ADGRF5: variants seen among roughly 807,000 people sequenced by gnomAD.
ADGRF5 encodes G-protein coupled receptor 116.
Under a neutral mutation model 132.3 loss-of-function variants are expected in ADGRF5, and 75 were observed. The ratio of observed to expected loss-of-function variants is 0.57; its 90% CI spans 0.47 to 0.69. The LOEUF is 0.69. Among genes scored for constraint, ADGRF5 ranks in the 30% least tolerant of loss-of-function variants. The probability of loss-of-function intolerance (pLI) is 0.00; values close to 1 mark genes in which losing one functional copy is unlikely to be tolerated. For missense variants in ADGRF5, 1,516 were observed against 1,630.6 expected, an observed-to-expected ratio of 0.93 and a Z score of 1.21; for synonymous variants, 629 against 597.6, an observed-to-expected ratio of 1.05 and a Z score of -0.77.
chr6:46,882,510 GCC>G (rs1772592768), intron 6 of ADGRF5, among the ~76,000 whole-genome samples: 1 of 152,192 alleles, frequency 6.6e-6, no homozygotes, highest in Non-Finnish European at 1.5e-5. Context: ...GATGTGTTGT[GCC>G]CCTTCATTGG....
intron 20 of ADGRF5, chr6:46,854,764 G>C (rs1242458076): frequency 1.6e-6 from 2 of 1,286,994 alleles, no homozygotes; most frequent in Admixed American, 2.3e-5. Context: ...TCATGGCCTG[G>C]GGGGATCTTA....
In ADGRF5 at chr6:46,852,739, C is replaced by G. The variant is rs566574349; in HGVS notation, c.*1253G>C. The G allele has an allele frequency of 2.0e-5, 3 of 151,178 alleles. No homozygotes were observed. Among genetic ancestry groups the G allele is most frequent in the Admixed American group, 2.0e-4 (3 of 15,266 alleles). The allele number at this position is 151,178 out of a possible 1,614,324, so 9.4% of individuals were successfully genotyped here. ...AAGTGTCATTAGGAGCACAGAACAA[C>G]CGAATGTAAAATTTCTTTCCAGGAG... On this transcript the variant is annotated 3_prime_UTR_variant, in exon 21 of 21. Transcript: ENST00000283296.
intron 6 of ADGRF5, among the ~76,000 whole-genome samples, chr6:46,883,077 C>G (rs1772656884): frequency 6.6e-6 from 1 of 152,238 alleles, no homozygotes; most frequent in African/African-American, 2.4e-5. Context: ...ACAGTTAACA[C>G]TGTTGGAATA....
chr6:46,906,227 C>G (rs2150895837), intron 2 of ADGRF5, among the ~76,000 whole-genome samples: 1 of 152,176 alleles, frequency 6.6e-6, no homozygotes, highest in East Asian at 1.9e-4. Context: ...AGATTAATGT[C>G]TTTTGGAATG....
At chr6:46,878,589 G>A (rs1772087011) in intron 9 of ADGRF5, among the ~76,000 whole-genome samples, 184 bp from the exon 10 acceptor site, 1 of 152,132 alleles carries the variant, frequency 6.6e-6, no homozygotes, top group Non-Finnish European at 1.5e-5. Flanking sequence ...TATTTCTCAT[G>A]CCACAAAGTG....
intron 15 of ADGRF5, among the ~76,000 whole-genome samples, 159 bp downstream of exon 15, chr6:46,862,729 T>TTTTTTTTTTTTTTTTTG (rs1769923094): frequency 9.8e-6 from 1 of 101,618 alleles, no homozygotes; most frequent in Non-Finnish European, 2.2e-5. Flanking sequence ...TTTTTTTTTT[T>TTTTTTTTTTTTTTTTTG]GCATTTCTAG....
At chr6:46,949,208 G>A (rs1159675339) in intron 1 of ADGRF5, among the ~76,000 whole-genome samples, 1 of 152,166 alleles carries the variant, frequency 6.6e-6, no homozygotes, top group African/African-American at 2.4e-5. Flanking sequence ...TCTGTTGAAA[G>A]GACTGCTGCT....
intron 11 of ADGRF5, 154 bp from the exon 12 acceptor site, chr6:46,869,246 C>T: frequency 6.8e-7 from 1 of 1,463,882 alleles, no homozygotes. Context: ...AGAATTGGTA[C>T]CTTGCTGCTC....
At chr6:46,936,276 C>T (rs1295228542) in intron 1 of ADGRF5, among the ~76,000 whole-genome samples, 1 of 152,144 alleles carries the variant, frequency 6.6e-6, no homozygotes, top group African/African-American at 2.4e-5. Context: ...TTGAACACTC[C>T]CGTGCCTGTA....
chr6:46,942,586 G>A (rs1778134709), intron 1 of ADGRF5, among the ~76,000 whole-genome samples: 1 of 152,194 alleles, frequency 6.6e-6, no homozygotes, highest in Non-Finnish European at 1.5e-5. Flanking sequence ...AGTATTTAGA[G>A]CAGAACTTGT....
chr6:46,925,040 A>T (rs1336573201), upstream of ADGRF5, among the ~76,000 whole-genome samples: 1 of 152,174 alleles, frequency 6.6e-6, no homozygotes, highest in African/African-American at 2.4e-5. Flanking sequence ...CTTATAAAAT[A>T]CAAGTTATAT....
intron 1 of ADGRF5, among the ~76,000 whole-genome samples, chr6:46,951,955 A>G (rs944672480): frequency 6.6e-6 from 1 of 152,182 alleles, no homozygotes; most frequent in Admixed American, 6.5e-5. Flanking sequence ...CGCCTTCCAA[A>G]TTACCATGAA....
chr6:46,938,168 A>G (rs1052330670), intron 1 of ADGRF5, among the ~76,000 whole-genome samples: 1 of 152,236 alleles, frequency 6.6e-6, no homozygotes, highest in African/African-American at 2.4e-5. Context: ...AGCCTGCAGA[A>G]TGAATTCCAG....
chr6:46,921,166 C>T (rs538109044), intron 1 of ADGRF5, among the ~76,000 whole-genome samples: 93 of 152,310 alleles, frequency 6.1e-4, no homozygotes, highest in Admixed American at 1.0e-3. Flanking sequence ...CCTTTCCCCT[C>T]AGTCCTGTGT....
Position 46,865,183 on chromosome 6 carries a change from T to C in ADGRF5, c.1849A>G (p.Lys617Glu). 1.2e-6 allele frequency: 2 copies of C among 1,610,226 alleles called. No homozygotes were observed. The highest frequency in any genetic ancestry group is 8.5e-7 in the Non-Finnish European group (1 of 1,178,022). Residue 617 changes from lysine to glutamate, a missense_variant, in exon 14 of 21, where the codon AAA becomes GAA. Transcript: ENST00000283296. The stretch of plus-strand genomic sequence containing the variant: ...TTGTGTTTGTAGCACACTTGTTTTT[T>C]GTTAACTTCTTTTGCTGAAGACAGA... Reference protein sequence around the residue: ...SSLPAAKEVNKKQVCYKHNFN... With the variant: ...SSLPAAKEVNEKQVCYKHNFN...
chr6:46,944,444 G>A (rs891026476), intron 1 of ADGRF5, among the ~76,000 whole-genome samples: 10 of 152,156 alleles, frequency 6.6e-5, no homozygotes, highest in African/African-American at 2.4e-4. Flanking sequence ...GTTCTAAGGT[G>A]CTGGTTGAAA....
chr6:46,890,840 G>T (rs1773578223), intron 3 of ADGRF5, among the ~76,000 whole-genome samples: 1 of 152,108 alleles, frequency 6.6e-6, no homozygotes, highest in Admixed American at 6.6e-5. Flanking sequence ...TGTTAAAAGG[G>T]CAAAAAATTT....
intron 1 of ADGRF5, among the ~76,000 whole-genome samples, chr6:46,933,412 T>A (rs1175555650): frequency 6.6e-6 from 1 of 152,246 alleles, no homozygotes; most frequent in Admixed American, 6.5e-5. Flanking sequence ...CTAAATCCAC[T>A]GAATTCTCTG....
upstream of ADGRF5, among the ~76,000 whole-genome samples, chr6:46,926,722 A>T (rs1777267989): frequency 6.6e-6 from 1 of 152,112 alleles, no homozygotes; most frequent in Non-Finnish European, 1.5e-5. Context: ...GATGCACATA[A>T]TTTCAGAATC....
Sources: allele counts gnomAD v4.1 joint callset (sites outside exome capture counted in the v4.1 genomes callset), GRCh38; gene constraint gnomAD v4.1.1; transcripts MANE v1.5; gene names NCBI Gene and HGNC (gene_info 2026-07-23, HGNC 2026-07-21).